Variants in MDGA2 observed in about 807,000 individuals in gnomAD.
The protein encoded by MDGA2 is MAM domain-containing glycosylphosphatidylinositol anchor protein 2.
MDGA2 carries 40 observed loss-of-function variants against 117.8 expected under a neutral mutation model. The ratio of observed to expected loss-of-function variants is 0.34; its 90% CI spans 0.26 to 0.44. MDGA2 has a LOEUF of 0.44. MDGA2 is among the 20% of genes least tolerant of loss of function. The pLI is 1.00. For missense variants in MDGA2, 1,123 were observed against 1,250.6 expected, an observed-to-expected ratio of 0.90 and a Z score of 1.54; for synonymous variants, 452 against 439.0, an observed-to-expected ratio of 1.03 and a Z score of -0.37.
rs531870821 is a variant in MDGA2, at chr14:47,674,238, C to T, written c.280+279G>A. Among the ~76,000 whole-genome samples, 210 of 152,240 alleles carry T rather than the reference C, an allele frequency of 1.4e-3. 1 individual carries two copies. Among genetic ancestry groups the T allele is most frequent in the Non-Finnish European group, 2.4e-3 (161 of 68,016 alleles). On this transcript the variant is annotated intron_variant, in intron 1 of 16. Transcript: ENST00000399232. ...TCAAAGACTGCTGGAGCTCGGATTC[C>T]CCGCGGGGATAAATCAAGTGCAAAG...
intron 8 of MDGA2, among the ~76,000 whole-genome samples, chr14:46,967,788 T>C (rs1242588101): frequency 2.0e-5 from 3 of 152,216 alleles, no homozygotes; most frequent in Non-Finnish European, 4.4e-5. Context: ...ATACCTATGA[T>C]AAATTTTCAT....
At chr14:47,293,907 T>C (rs368203242) in intron 2 of MDGA2, among the ~76,000 whole-genome samples, 62 of 152,222 alleles carry the variant, frequency 4.1e-4, no homozygotes, top group African/African-American at 1.4e-3. Context: ...GCCTTTCTTA[T>C]TCTATATAAA....
At chr14:47,458,501 C>T (rs930393650) in intron 1 of MDGA2, among the ~76,000 whole-genome samples, 2 of 151,898 alleles carry the variant, frequency 1.3e-5, no homozygotes, top group South Asian at 2.1e-4. Flanking sequence ...CAAAGGACTG[C>T]GGTGAGGGGG....
intron 3 of MDGA2, among the ~76,000 whole-genome samples, chr14:47,151,913 T>C (rs1030286646): frequency 1.3e-5 from 2 of 152,080 alleles, no homozygotes; most frequent in African/African-American, 4.8e-5. Flanking sequence ...TAAAGGAAGA[T>C]TAATCTGTCA....
intron 6 of MDGA2, among the ~76,000 whole-genome samples, chr14:47,094,794 G>A (rs199506952): frequency 6.6e-6 from 1 of 151,282 alleles, no homozygotes; most frequent in Non-Finnish European, 1.5e-5. Flanking sequence ...TATTTTTAAA[G>A]CAAACAAAAA....
At chr14:47,214,230 C>G (rs1242800190) in intron 3 of MDGA2, among the ~76,000 whole-genome samples, 7 of 151,898 alleles carry the variant, frequency 4.6e-5, no homozygotes, top group Admixed American at 4.6e-4. Context: ...AGCGATTTAC[C>G]CCAACAACAA....
intron 3 of MDGA2, among the ~76,000 whole-genome samples, chr14:47,216,207 A>C (rs1250625621): frequency 1.3e-5 from 2 of 152,188 alleles, no homozygotes; most frequent in Non-Finnish European, 1.5e-5. Flanking sequence ...GTCTCTAAAA[A>C]TGTGAATTTC....
At chr14:47,363,350 C>T (rs565145085) in intron 1 of MDGA2, among the ~76,000 whole-genome samples, 7 of 152,168 alleles carry the variant, frequency 4.6e-5, no homozygotes, top group African/African-American at 1.4e-4. Flanking sequence ...CTCTGCCTCC[C>T]GGGTTCAAGC....
intron 1 of MDGA2, among the ~76,000 whole-genome samples, chr14:47,466,586 G>C (rs1893609011): frequency 6.6e-6 from 1 of 152,056 alleles, no homozygotes; most frequent in Non-Finnish European, 1.5e-5. Flanking sequence ...ACAATACAGG[G>C]ATGTCCATGG....
At chr14:47,325,401 A>G (rs1287658823) in intron 1 of MDGA2, among the ~76,000 whole-genome samples, 2 of 152,194 alleles carry the variant, frequency 1.3e-5, no homozygotes, top group Non-Finnish European at 2.9e-5. Context: ...ATTGATTGTC[A>G]GAAAATAAGC....
chr14:47,305,395 G>A (rs987444389), intron 1 of MDGA2: 3 of 152,138 alleles, frequency 2.0e-5, no homozygotes, highest in Admixed American at 2.0e-4. Context: ...TTTTCTTGAA[G>A]TAAACCAAAT....
At chr14:47,424,890 C>T (rs937332917) in intron 1 of MDGA2, among the ~76,000 whole-genome samples, 1 of 152,084 alleles carries the variant, frequency 6.6e-6, no homozygotes, top group African/African-American at 2.4e-5. Context: ...ATTTTTCTAA[C>T]TCTAAAGGAT....
At chr14:47,287,265 A>G (rs537445576) in intron 2 of MDGA2, among the ~76,000 whole-genome samples, 9 of 152,154 alleles carry the variant, frequency 5.9e-5, no homozygotes, top group Middle Eastern at 6.8e-3. Flanking sequence ...GGTGACAAAT[A>G]AGGTGTTTAC....
At chr14:47,288,141 C>T (rs987467700) in intron 2 of MDGA2, among the ~76,000 whole-genome samples, 6 of 152,188 alleles carry the variant, frequency 3.9e-5, no homozygotes, top group Admixed American at 6.5e-5. Flanking sequence ...CACTATCACA[C>T]AATTCAGGCA....
Position 47,274,831 on chromosome 14 carries a change from A to AT in MDGA2, c.420+26579dup, listed in dbSNP as rs985003373. On this transcript the variant is annotated intron_variant, in intron 2 of 16. Transcript: ENST00000399232. ...TAATGACTAAAGATGTTGAGCATGT[A>AT]TTTTACGCACTTATTGAACACTTGC... Among the ~76,000 whole-genome samples the AT allele has an allele frequency of 1.4e-3, 220 of 152,212 alleles. 1 individual carries two copies. Among genetic ancestry groups the AT allele is most frequent in the African/African-American group, 5.2e-3 (215 of 41,546 alleles).
intron 1 of MDGA2, among the ~76,000 whole-genome samples, chr14:47,510,506 G>A (rs1271267750): frequency 6.6e-6 from 1 of 152,114 alleles, no homozygotes; most frequent in Non-Finnish European, 1.5e-5. Flanking sequence ...TAGCTTGAGA[G>A]TTCTGCCTAA....
intron 1 of MDGA2, among the ~76,000 whole-genome samples, chr14:47,320,120 G>A (rs1356265503): frequency 6.6e-6 from 1 of 152,166 alleles, no homozygotes; most frequent in South Asian, 2.1e-4. Flanking sequence ...TGGACACCTT[G>A]ATCTTGGACT....
intron 8 of MDGA2, among the ~76,000 whole-genome samples, chr14:46,987,385 T>C (rs1207276236): frequency 6.6e-6 from 1 of 152,102 alleles, no homozygotes; most frequent in Non-Finnish European, 1.5e-5. Flanking sequence ...AAATGTCTAA[T>C]GTACAGAATG....
In MDGA2 at chr14:46,925,369, C is replaced by T. The variant is rs548786479; in HGVS notation, c.2090-5209G>A. On this transcript the variant is annotated intron_variant, in intron 9 of 16. Transcript: ENST00000399232. ...AATTTAGGCTGGGCACAGAGGCTCA[C>T]GCCTGTAATCCCAGCACTTTGGGAG... Among the ~76,000 whole-genome samples, 18 of 152,098 alleles carry T rather than the reference C, an allele frequency of 1.2e-4. No homozygotes were observed. In the East Asian group the frequency reaches 3.3e-3, roughly 28 times the overall value.
Sources: gnomAD v4.1 joint callset for allele counts (sites outside exome capture counted in the v4.1 genomes callset) on GRCh38, gnomAD v4.1.1 for gene constraint, MANE v1.5 for transcripts, NCBI Gene and HGNC (gene_info 2026-07-23, HGNC 2026-07-21) for gene names.